RPAP2: variants seen among roughly 807,000 people sequenced by gnomAD.
The protein encoded by RPAP2 is RNA polymerase II associated protein 2.
In RPAP2, 52 loss-of-function variants were observed where a neutral mutation model predicts 73.1. The observed-to-expected ratio is 0.71, with a 90% CI of 0.57 to 0.90. RPAP2 has a LOEUF of 0.90. RPAP2 is among the 40% of genes least tolerant of loss of function. RPAP2 has a pLI of 0.00. For synonymous variants in RPAP2, 225 were observed against 242.1 expected (o/e 0.93, Z 0.65); for missense variants, 598 against 701.8 (o/e 0.85, Z 1.67).
chr1:92,370,142 C>T (rs1300554776), intron 11 of RPAP2, among the ~76,000 whole-genome samples: 2 of 152,222 alleles, frequency 1.3e-5, no homozygotes, highest in African/African-American at 4.8e-5. Flanking sequence ...GCATCAGCCT[C>T]CCAAAGTGCT....
chr1:92,364,489 T>C (rs893282442), intron 11 of RPAP2, among the ~76,000 whole-genome samples: 6 of 152,146 alleles, frequency 3.9e-5, no homozygotes, highest in African/African-American at 9.7e-5. Flanking sequence ...TCCTAAATCG[T>C]AGACCAAATT....
chr1:92,343,774 AAAG>A (rs1653726727), intron 10 of RPAP2, among the ~76,000 whole-genome samples: 1 of 152,226 alleles, frequency 6.6e-6, no homozygotes, highest in Non-Finnish European at 1.5e-5. Flanking sequence ...TATGGAAAAA[AAAG>A]AAAAACATAT....
At position 92,400,730 on chromosome 1, in the gene RPAP2, G is replaced by A. The variant is rs1656294956; in HGVS notation, c.*13719G>A. 6.6e-6 allele frequency: 1 copy of A among 152,194 alleles called. No homozygotes were observed. The highest frequency in any genetic ancestry group is 6.5e-5 in the Admixed American group (1 of 15,280). 9.4% of individuals were successfully genotyped at this position (152,194 alleles called of 1,614,324 possible). On this transcript the variant is annotated 3_prime_UTR_variant, in exon 13 of 13. Coordinates refer to ENST00000610020, the MANE Select transcript of RPAP2 (RefSeq NM_024813.3). ...TGAACCCACCAAGCAGCCCTTTAGA[G>A]GCTGGAAAAAGAGTTTGGAAAAAGA...
Position 92,391,357 on chromosome 1 carries a change from A to G in RPAP2, c.*4346A>G, listed in dbSNP as rs1416169329. ...AACGAGAACAAAGACACAATGTACC[A>G]GAATCTCTAGGACATGTTTAAAGCA... On this transcript the variant is annotated 3_prime_UTR_variant, in exon 13 of 13. Coordinates refer to ENST00000610020, the MANE Select transcript of RPAP2 (RefSeq NM_024813.3). 1 of 152,222 alleles carries G rather than the reference A, an allele frequency of 6.6e-6. No homozygotes were observed. The highest frequency in any genetic ancestry group is 1.5e-5 in the Non-Finnish European group (1 of 68,038). The allele number at this position is 152,222 out of a possible 1,614,324, so 9.4% of individuals were successfully genotyped here.
rs71091273 is a variant in RPAP2 at position 92,305,432 on chromosome 1, C to CAAAAAAAAAA, written c.399+1093_399+1102dup. Among the ~76,000 whole-genome samples, 150 of 52,626 alleles carry CAAAAAAAAAA rather than the reference C, an allele frequency of 2.9e-3. 4 individuals carry two copies. The highest frequency in any genetic ancestry group is 7.5e-3 in the African/African-American group (56 of 7,482). 34.5% of individuals were successfully genotyped at this position (52,626 alleles called of 152,430 possible). On this transcript the variant is annotated intron_variant, in intron 5 of 12. Transcript: ENST00000610020. ...GGGGCAACAGAGTGAGGCTCCGTCTCAAAAAAAAAAAAAAAAAAAGACAAT... is the reference window on the plus strand; with the variant it reads ...GGGGCAACAGAGTGAGGCTCCGTCTCAAAAAAAAAAAAAAAAAAAAAAAAAAAAAGACAAT...
chr1:92,308,135 C>T (rs148783838), intron 6 of RPAP2, among the ~76,000 whole-genome samples: 173 of 152,144 alleles, frequency 1.1e-3, no homozygotes, highest in African/African-American at 3.9e-3. Flanking sequence ...TGTAACACCA[C>T]TCTCAATTCA....
chr1:92,316,821 C>T (rs1043751216), intron 6 of RPAP2, among the ~76,000 whole-genome samples: 11 of 152,184 alleles, frequency 7.2e-5, no homozygotes, highest in African/African-American at 2.4e-4. Flanking sequence ...CTTTCTAAAA[C>T]AGCACCTAGC....
chr1:92,311,813 C>T (rs749514752), intron 6 of RPAP2, among the ~76,000 whole-genome samples: 6 of 152,070 alleles, frequency 3.9e-5, no homozygotes, highest in Non-Finnish European at 8.8e-5. Flanking sequence ...TGTGCAGTAG[C>T]GTTATATCTT....
chr1:92,310,093 G>C (rs370530291), intron 6 of RPAP2, among the ~76,000 whole-genome samples: 1 of 152,042 alleles, frequency 6.6e-6, no homozygotes, highest in African/African-American at 2.4e-5. Flanking sequence ...CACTTGATTA[G>C]AAGGAAACAG....
At chr1:92,363,138 CAAGTT>C (rs1180208363) in intron 11 of RPAP2, among the ~76,000 whole-genome samples, 30 of 152,132 alleles carry the variant, frequency 2.0e-4, no homozygotes, top group Non-Finnish European at 4.1e-4. Context: ...CCCTGCATCT[CAAGTT>C]AAGATAAGGA....
chr1:92,337,371 A>G (rs1300277962), intron 10 of RPAP2, among the ~76,000 whole-genome samples: 3 of 152,160 alleles, frequency 2.0e-5, no homozygotes, highest in Admixed American at 6.5e-5. Flanking sequence ...TGGCAAATTT[A>G]AAAACATCAG....
intron 6 of RPAP2, among the ~76,000 whole-genome samples, chr1:92,317,629 T>G (rs1651999689): frequency 6.6e-6 from 1 of 152,196 alleles, no homozygotes. Flanking sequence ...GTGGCGATAG[T>G]TGCACAACAG....
At chr1:92,300,456 T>G (rs567094156) in intron 2 of RPAP2, among the ~76,000 whole-genome samples, 2 of 152,200 alleles carry the variant, frequency 1.3e-5, no homozygotes, top group Non-Finnish European at 2.9e-5. Context: ...AGACTGCTAG[T>G]GAAGGAATGA....
intron 11 of RPAP2, among the ~76,000 whole-genome samples, chr1:92,354,776 T>G (rs1654381178): frequency 6.6e-6 from 1 of 152,002 alleles, no homozygotes; most frequent in South Asian, 2.1e-4. Context: ...CTACTTTTTT[T>G]GTTTCTCTTG....
intron 3 of RPAP2, among the ~76,000 whole-genome samples, chr1:92,302,380 T>G (rs539192426): frequency 6.6e-6 from 1 of 152,056 alleles, no homozygotes; most frequent in East Asian, 1.9e-4. Context: ...GTCATAGTTC[T>G]TTTAACCAGT....
Position 92,392,976 on chromosome 1 carries a change from A to C in RPAP2, c.*5965A>C, listed in dbSNP as rs945609920. The C allele has an allele frequency of 1.3e-5, 2 of 152,210 alleles. No individual in the cohort carries two copies. The highest frequency in any genetic ancestry group is 2.9e-5 in the Non-Finnish European group (2 of 68,046). The allele number at this position is 152,210 out of a possible 1,614,324, so 9.4% of individuals were successfully genotyped here. ...AACTTTCTTCACAGAATTGGAAAAA[A>C]CTACTTTAAGATTCATATGGAACCA... On this transcript the variant is annotated 3_prime_UTR_variant, in exon 13 of 13. Transcript: ENST00000610020.
In RPAP2 at chr1:92,390,191, G is replaced by A. The variant is rs1441374756; in HGVS notation, c.*3180G>A. 6.6e-6 allele frequency: 1 copy of A among 152,164 alleles called. No homozygotes were observed. Among genetic ancestry groups the A allele is most frequent in the East Asian group, 1.9e-4 (1 of 5,204 alleles). The allele number at this position is 152,164 out of a possible 1,614,324, so 9.4% of individuals were successfully genotyped here. On this transcript the variant is annotated 3_prime_UTR_variant, in exon 13 of 13. Coordinates refer to ENST00000610020, the MANE Select transcript of RPAP2 (RefSeq NM_024813.3). The stretch of plus-strand genomic sequence containing the variant: ...AGGGAAGCCCATCAGATTAACAGCG[G>A]ACCTCTGGGCAGAAACCCTACAAGC...
At chr1:92,300,356 G>A in intron 2 of RPAP2, 117 bp downstream of exon 2, 2 of 774,688 alleles carry the variant, frequency 2.6e-6, no homozygotes, top group Non-Finnish European at 2.1e-6. Flanking sequence ...TCATGAGAGG[G>A]AAGGGAAAGA....
chr1:92,337,875 C>A (rs1482964123), intron 10 of RPAP2, among the ~76,000 whole-genome samples: 1 of 152,088 alleles, frequency 6.6e-6, no homozygotes, highest in African/African-American at 2.4e-5. Flanking sequence ...GTAGGTAATA[C>A]ATTTCTGCAA....
Sources: gnomAD v4.1 joint callset for allele counts (sites outside exome capture counted in the v4.1 genomes callset) on GRCh38, gnomAD v4.1.1 for gene constraint, MANE v1.5 for transcripts, NCBI Gene and HGNC (gene_info 2026-07-23, HGNC 2026-07-21) for gene names.